SLC39A12: variants seen among roughly 807,000 people sequenced by gnomAD.
SLC39A12 encodes zinc transporter ZIP12.
Under a neutral mutation model 71.1 loss-of-function variants are expected in SLC39A12, and 63 were observed. The observed-to-expected ratio is 0.89, with a 90% CI of 0.72 to 1.09. SLC39A12 has a LOEUF of 1.09. Among genes scored for constraint, SLC39A12 ranks in the 50% least tolerant of loss-of-function variants. SLC39A12 has a pLI of 0.00. For synonymous variants in SLC39A12, 351 were observed against 301.3 expected, an observed-to-expected ratio of 1.16 and a Z score of -1.71; for missense variants, 892 against 812.6, an observed-to-expected ratio of 1.10 and a Z score of -1.19.
chr10:18,039,934 A>T (rs1425872982), intron 12 of SLC39A12, among the ~76,000 whole-genome samples: 1 of 152,214 alleles, frequency 6.6e-6, no homozygotes, highest in Non-Finnish European at 1.5e-5. Context: ...TGTTGAACTA[A>T]TATCAAGGCA....
intron 7 of SLC39A12, among the ~76,000 whole-genome samples, chr10:17,988,106 G>A (rs1329036349): frequency 2.0e-5 from 3 of 152,112 alleles, no homozygotes; most frequent in East Asian, 1.9e-4. Context: ...TCAGGAGTTC[G>A]AGACCAGCCT....
intron 12 of SLC39A12, among the ~76,000 whole-genome samples, chr10:18,005,197 C>T (rs1159861535): frequency 6.6e-6 from 1 of 152,026 alleles, no homozygotes; most frequent in African/African-American, 2.4e-5. Flanking sequence ...TTTAACAAAC[C>T]TGCATATGTA....
At chr10:18,040,843 G>T (rs1421979410) in intron 12 of SLC39A12, among the ~76,000 whole-genome samples, 4 of 151,318 alleles carry the variant, frequency 2.6e-5, no homozygotes, top group Admixed American at 2.6e-4. Flanking sequence ...TCATTTGATC[G>T]ATAAAATAAT....
At chr10:17,976,256 C>T (rs963853496) in intron 4 of SLC39A12, among the ~76,000 whole-genome samples, 8 of 152,090 alleles carry the variant, frequency 5.3e-5, no homozygotes, top group Admixed American at 3.9e-4. Context: ...ACTCTGCCTC[C>T]TCCAGTTTTT....
intron 12 of SLC39A12, among the ~76,000 whole-genome samples, chr10:18,029,120 C>T (rs1836765140): frequency 6.6e-6 from 1 of 152,088 alleles, no homozygotes; most frequent in South Asian, 2.1e-4. Flanking sequence ...ATCCGCCCAC[C>T]TCGGCCTCCC....
At chr10:18,041,304 G>T (rs1837217979) in intron 12 of SLC39A12, among the ~76,000 whole-genome samples, 1 of 151,720 alleles carries the variant, frequency 6.6e-6, no homozygotes, top group Non-Finnish European at 1.5e-5. Flanking sequence ...AGGACAGCCT[G>T]GTCAACACAG....
intron 12 of SLC39A12, among the ~76,000 whole-genome samples, chr10:18,030,886 G>C (rs1357229647): frequency 1.4e-5 from 2 of 146,892 alleles, no homozygotes; most frequent in Non-Finnish European, 3.0e-5. Flanking sequence ...CTATGAGTGA[G>C]AATATGCGGT....
At chr10:17,992,088 C>CAAAAAAAAAAAAAAAAAAAAAA (rs59014549) in intron 8 of SLC39A12, among the ~76,000 whole-genome samples, 1 of 87,220 alleles carries the variant, frequency 1.1e-5, no homozygotes, top group Non-Finnish European at 2.1e-5. Flanking sequence ...GACTCCATCT[C>CAAAAAAAAAAAAAAAAAAAAAA]AAAAAAAAAA....
At chr10:17,957,799 T>A (rs1378929203) in intron 2 of SLC39A12, among the ~76,000 whole-genome samples, 1 of 152,204 alleles carries the variant, frequency 6.6e-6, no homozygotes. Flanking sequence ...TCCACCTGTA[T>A]TCTTTCCTCA....
At chr10:17,989,433 C>T (rs1010123469) in intron 7 of SLC39A12, among the ~76,000 whole-genome samples, 12 of 152,132 alleles carry the variant, frequency 7.9e-5, no homozygotes, top group Non-Finnish European at 1.0e-4. Flanking sequence ...GTCACAGCAG[C>T]GGTAGCAGAA....
At chr10:17,990,649 C>A (rs548135904) in intron 7 of SLC39A12, among the ~76,000 whole-genome samples, 32 of 152,086 alleles carry the variant, frequency 2.1e-4, no homozygotes, top group Admixed American at 1.8e-3. Context: ...ACAGTATGCT[C>A]CCAAAGGAAC....
At chr10:18,039,668 C>T (rs1013031292) in intron 12 of SLC39A12, among the ~76,000 whole-genome samples, 1 of 152,132 alleles carries the variant, frequency 6.6e-6, no homozygotes, top group Non-Finnish European at 1.5e-5. Flanking sequence ...TTCACGGCTA[C>T]AGTGAGCTAT....
intron 12 of SLC39A12, among the ~76,000 whole-genome samples, chr10:18,041,882 TAC>T (rs1837265093): frequency 6.7e-6 from 1 of 148,522 alleles, no homozygotes; most frequent in South Asian, 2.1e-4. Flanking sequence ...TGTATATATA[TAC>T]ACACATATAT....
intron 10 of SLC39A12, among the ~76,000 whole-genome samples, chr10:17,998,026 A>G (rs1230736977): frequency 1.3e-5 from 2 of 152,114 alleles, no homozygotes; most frequent in Admixed American, 6.6e-5. Context: ...TCAGATGGAA[A>G]CTCGCTCTGT....
chr10:17,983,509 C>T (rs1314902541), intron 6 of SLC39A12, among the ~76,000 whole-genome samples: 1 of 151,958 alleles, frequency 6.6e-6, no homozygotes, highest in Non-Finnish European at 1.5e-5. Flanking sequence ...CTAGGCCGGG[C>T]ACAGTGGCTT....
intron 4 of SLC39A12, among the ~76,000 whole-genome samples, chr10:17,972,323 A>G (rs574181657): frequency 1.3e-5 from 2 of 152,264 alleles, no homozygotes; most frequent in African/African-American, 2.4e-5. Context: ...GTTGGATGAA[A>G]TGTTCTGTAA....
Position 18,035,409 on chromosome 10 carries a change from C to T in SLC39A12, c.1948-7296C>T, listed in dbSNP as rs373383065. Among the ~76,000 whole-genome samples, 527 of 136,428 alleles carry T rather than the reference C, an allele frequency of 3.9e-3. 5 individuals are homozygous for T. The highest frequency in any genetic ancestry group is 0.012 in the African/African-American group (422 of 33,898). 89.5% of individuals were successfully genotyped at this position (136,428 alleles called of 152,430 possible). A position where few individuals can be genotyped will look rare whatever the true frequency, so the allele number is the denominator to read the frequency against. ...TCATTTCATTCATTTCATCTTCCATCGCTGATACCCTTTCTTCCAGTTGAT... is the reference window on the plus strand; with the variant it reads ...TCATTTCATTCATTTCATCTTCCATTGCTGATACCCTTTCTTCCAGTTGAT... On this transcript the variant is annotated intron_variant, in intron 12 of 12. Coordinates refer to ENST00000377369, the MANE Select transcript of SLC39A12 (RefSeq NM_001145195.2).
At chr10:17,980,871 G>C (rs564601245) in intron 5 of SLC39A12, among the ~76,000 whole-genome samples, 1 of 152,040 alleles carries the variant, frequency 6.6e-6, no homozygotes, top group South Asian at 2.1e-4. Context: ...TGCCTACACA[G>C]GCTGACTAAA....
intron 11 of SLC39A12, among the ~76,000 whole-genome samples, chr10:18,001,309 G>A (rs1835828022): frequency 1.3e-5 from 2 of 152,176 alleles, no homozygotes; most frequent in Non-Finnish European, 2.9e-5. Context: ...GAGGACAGGA[G>A]TTCAAGACCA....
Sources: allele counts gnomAD v4.1 joint callset (sites outside exome capture counted in the v4.1 genomes callset), GRCh38; gene constraint gnomAD v4.1.1; transcripts MANE v1.5; gene names NCBI Gene and HGNC (gene_info 2026-07-23, HGNC 2026-07-21).